Variants in ZNF124 observed in about 807,000 individuals in gnomAD.
ZNF124 encodes the protein zinc finger protein 124, also known as zinc finger protein HZF-16.
Under a neutral mutation model 26.6 loss-of-function variants are expected in ZNF124, and 25 were observed. The observed-to-expected ratio is 0.94, with a 90% CI of 0.68 to 1.31. The LOEUF (loss-of-function observed/expected upper bound fraction) is 1.31. Among genes scored for constraint, ZNF124 ranks in the 40% most tolerant of loss-of-function variants. The pLI is 0.00. For missense variants in ZNF124, 444 were observed against 422.2 expected (o/e 1.05, Z -0.45); for synonymous variants, 129 against 133.3 (o/e 0.97, Z 0.22).
chr1:247,132,427 G>A (rs1367524590), intron 3 of ZNF124, among the ~76,000 whole-genome samples: 4 of 152,300 alleles, frequency 2.6e-5, no homozygotes, highest in Non-Finnish European at 5.9e-5. Context: ...CACAGAACTG[G>A]ATGGAGGATC....
chr1:247,156,713 A>T lies in ZNF124; in HGVS notation c.909T>A (p.Ser303Arg), dbSNP rs1673155355. 2 of 1,613,426 alleles carry T rather than the reference A, an allele frequency of 1.2e-6. No homozygotes were observed. The highest frequency in any genetic ancestry group is 2.2e-5 in the South Asian group (2 of 90,950). Residue 303 changes from serine to arginine, a missense_variant, in exon 4 of 4, where the codon AGT becomes AGA. Transcript: ENST00000543802. Reference sequence around the variant, plus strand: ...GAGTCCTTTCATGGTCACGAAGGGAACTGGAACATCTGAAGCCTTTACCAC... The same window carrying T: ...GAGTCCTTTCATGGTCACGAAGGGATCTGGAACATCTGAAGCCTTTACCAC... ...NNCGKGFRCS[S>R]SLRDHERTHT...
intron 1 of ZNF124, among the ~76,000 whole-genome samples, chr1:247,166,660 T>C (rs774280248): frequency 5.1e-4 from 77 of 152,168 alleles, no homozygotes; most frequent in Admixed American, 8.5e-4. Context: ...TTGGATAACA[T>C]TGATGAGGTG....
At chr1:247,157,811 C>T (rs1673237350) in intron 3 of ZNF124, among the ~76,000 whole-genome samples, 1 of 152,056 alleles carries the variant, frequency 6.6e-6, no homozygotes, top group African/African-American at 2.4e-5. Context: ...CTTCAAATTT[C>T]ATGCTGAAAT....
chr1:247,145,500 A>G (rs962698579), intron 3 of ZNF124, among the ~76,000 whole-genome samples: 1 of 152,174 alleles, frequency 6.6e-6, no homozygotes, highest in Admixed American at 6.5e-5. Flanking sequence ...TGTGAGACAA[A>G]AAGATCACCT....
chr1:247,151,629 TACAAC>T (rs1267171904), downstream of ZNF124, among the ~76,000 whole-genome samples: 1 of 152,138 alleles, frequency 6.6e-6, no homozygotes, highest in Non-Finnish European at 1.5e-5. Flanking sequence ...GACGTAAACA[TACAAC>T]ACAACAATGT....
At chr1:247,149,008 ATGTGTTTCAAAGAAAACCT>A (rs557980791) in intron 3 of ZNF124, among the ~76,000 whole-genome samples, 68 of 152,276 alleles carry the variant, frequency 4.5e-4, no homozygotes, top group African/African-American at 1.6e-3. Context: ...GTGCTTTAAC[ATGTGTTTCAAAGAAAACCT>A]TCCAACCACT....
At chr1:247,157,561 C>T in intron 3 of ZNF124, 158 bp from the exon 4 acceptor site, 1 of 673,880 alleles carries the variant, frequency 1.5e-6, no homozygotes, top group African/African-American at 1.8e-5. Context: ...TATCATATGA[C>T]TTCTGCAAAA....
intron 1 of ZNF124, among the ~76,000 whole-genome samples, chr1:247,163,541 A>G (rs1007390185): frequency 6.6e-6 from 1 of 152,104 alleles, no homozygotes. Context: ...GAAAACCTAG[A>G]AAAACGAATA....
intron 3 of ZNF124, among the ~76,000 whole-genome samples, chr1:247,132,660 G>A (rs1478318720): frequency 1.3e-5 from 2 of 152,168 alleles, no homozygotes; most frequent in Non-Finnish European, 2.9e-5. Context: ...CAGACAGCCC[G>A]GTGCCACACC....
In ZNF124 at chr1:247,157,001, T is replaced by G. The variant is rs200627445; in HGVS notation, c.621A>C (p.Glu207Asp). ...ERTHTGEKPY[E>D]CKHCGKAFRY... is the part of the protein sequence containing the mutation. ...GGAAGGCTTTCCCACAGTGCTTACA[T>G]TCATAGGGTTTCTCTCCAGTATGAG... Residue 207 changes from glutamate to aspartate, a missense_variant, in exon 4 of 4, where the codon GAA (glutamate) becomes GAC (aspartate). Glu to Asp is a conservative substitution (Grantham distance 45). Transcript: ENST00000543802. The G allele has an allele frequency of 2.4e-5, 39 of 1,613,936 alleles. No homozygotes were observed. In the South Asian group the frequency reaches 2.7e-4, roughly 11 times the overall value.
intron 3 of ZNF124, among the ~76,000 whole-genome samples, chr1:247,130,627 T>G (rs751583220): frequency 9.2e-5 from 14 of 152,236 alleles, no homozygotes; most frequent in Non-Finnish European, 1.9e-4. Context: ...ATGTAAATAA[T>G]TACATGACTT....
chr1:247,157,444 C>A (rs754739626), intron 3 of ZNF124, 41 bp from the exon 4 acceptor site: 11 of 1,529,880 alleles, frequency 7.2e-6, no homozygotes, highest in Non-Finnish European at 8.0e-6. Context: ...TTTTCACACA[C>A]AATGCATTCA....
chr1:247,168,662 A>G lies in ZNF124; in HGVS notation c.30+3186T>C, dbSNP rs986868612. Among the ~76,000 whole-genome samples the G allele has an allele frequency of 4.6e-5, 7 of 152,238 alleles. No homozygotes were observed. Among genetic ancestry groups the G allele is most frequent in the Admixed American group, 2.6e-4 (4 of 15,282 alleles). On this transcript the variant is annotated intron_variant, in intron 1 of 3. Coordinates refer to ENST00000543802, the MANE Select transcript of ZNF124 (RefSeq NM_001297568.2). This position sits in a 1 kb window ranked among gnomAD's most constrained non-coding sequence, Gnocchi z 4.0. ...TGAGGGGATAAAGAAAATGTGGTGG[A>G]ATACTACTCAGCCATAAAAAGGAAT...
chr1:247,161,740 A>G (rs1184853629), intron 1 of ZNF124, among the ~76,000 whole-genome samples: 1 of 150,494 alleles, frequency 6.6e-6, no homozygotes, highest in East Asian at 1.9e-4. Flanking sequence ...AAACAGCCAA[A>G]TAATATGGCA....
chr1:247,127,683 C>T (rs1409308735), intron 3 of ZNF124, among the ~76,000 whole-genome samples: 5 of 148,704 alleles, frequency 3.4e-5, no homozygotes, highest in South Asian at 4.2e-4. Context: ...GTTCTGATTG[C>T]CGGTGCATGC....
At position 247,157,297 on chromosome 1, in the gene ZNF124, C is replaced by A; in HGVS notation, c.325G>T (p.Val109Phe). 1.9e-6 allele frequency: 3 copies of A among 1,603,940 alleles called. No individual in the cohort carries two copies. The highest frequency in any genetic ancestry group is 2.2e-5 in the South Asian group (2 of 90,142). ...CQKTSLSVTR[V>F]HRDTVMHTGN... ...GTGTGCATTACTGTGTCTCTGTGAA[C>A]CCTTGTGACAGAAAGGGAAGTTTTC... is the stretch of plus-strand genomic sequence containing the variant. Residue 109 changes from valine (V) to phenylalanine (F), a missense_variant, in exon 4 of 4, where the codon GTT becomes TTT. By Grantham distance (50) the Val-to-Phe change is conservative (BLOSUM62 -1). Transcript: ENST00000543802.
At chr1:247,144,562 T>C (rs1378826820) in intron 3 of ZNF124, among the ~76,000 whole-genome samples, 1 of 151,650 alleles carries the variant, frequency 6.6e-6, no homozygotes, top group East Asian at 2.0e-4. Flanking sequence ...TATTCCACTT[T>C]TGAGGTGGGT....
chr1:247,132,603 C>T (rs1238070235), intron 3 of ZNF124, among the ~76,000 whole-genome samples: 2 of 152,146 alleles, frequency 1.3e-5, no homozygotes, highest in Non-Finnish European at 2.9e-5. Flanking sequence ...CAATTTCTGC[C>T]TCAAAAGAAA....
intron 1 of ZNF124, among the ~76,000 whole-genome samples, chr1:247,161,224 A>G (rs1244209219): frequency 6.6e-6 from 1 of 152,250 alleles, no homozygotes; most frequent in African/African-American, 2.4e-5. Flanking sequence ...GCAGAGAGAT[A>G]AAGAACTAGG....
Sources: gnomAD v4.1 joint callset for allele counts (sites outside exome capture counted in the v4.1 genomes callset) on GRCh38, gnomAD v4.1.1 for gene constraint, Gnocchi (gnomAD v3.1) non-coding constraint, MANE v1.5 for transcripts, NCBI Gene and HGNC (gene_info 2026-07-23, HGNC 2026-07-21) for gene names.